Variants in RAPGEF4 observed in about 807,000 individuals in gnomAD.
The protein encoded by RAPGEF4 is RAP guanine-nucleotide-exchange factor (GEF) 4.
A neutral mutation model predicts 147.9 loss-of-function variants in RAPGEF4; 66 were observed. The ratio of observed to expected loss-of-function variants is 0.45; its 90% CI spans 0.37 to 0.55. The LOEUF (loss-of-function observed/expected upper bound fraction) is 0.55. Among genes scored for constraint, RAPGEF4 ranks in the 20% least tolerant of loss-of-function variants. The pLI is 0.00. For synonymous variants in RAPGEF4, 419 were observed against 442.7 expected, an observed-to-expected ratio of 0.95 and a Z score of 0.67; for missense variants, 1,071 against 1,257.3, an observed-to-expected ratio of 0.85 and a Z score of 2.24.
At chr2:172,899,290 G>C (rs1698830673) in intron 4 of RAPGEF4, among the ~76,000 whole-genome samples, 1 of 152,214 alleles carries the variant, frequency 6.6e-6, no homozygotes, top group African/African-American at 2.4e-5. Flanking sequence ...TTTCTGATGA[G>C]AAAATTGGCA....
intron 4 of RAPGEF4, among the ~76,000 whole-genome samples, chr2:172,883,865 C>T (rs1164842560): frequency 6.6e-6 from 1 of 152,114 alleles, no homozygotes; most frequent in Non-Finnish European, 1.5e-5. Flanking sequence ...AAGGCAAGAG[C>T]ATTGGGTCCT....
At chr2:172,738,383 A>T in intron 1 of RAPGEF4, among the ~76,000 whole-genome samples, 1 of 152,196 alleles carries the variant, frequency 6.6e-6, no homozygotes. Context: ...GGACGGCTCT[A>T]TAAACAGCTA....
At chr2:172,919,218 G>T (rs1173413257) in intron 5 of RAPGEF4, among the ~76,000 whole-genome samples, 1 of 152,104 alleles carries the variant, frequency 6.6e-6, no homozygotes, top group Non-Finnish European at 1.5e-5. Flanking sequence ...TTCCTCAGAG[G>T]GTTGTTGTGA....
intron 25 of RAPGEF4, among the ~76,000 whole-genome samples, chr2:173,029,890 T>G (rs1212783465): frequency 6.6e-6 from 1 of 152,240 alleles, no homozygotes; most frequent in Admixed American, 6.5e-5. Context: ...TTTGGGATTA[T>G]AATAACAACC....
chr2:172,748,747 CCA>C (rs1361297303), intron 1 of RAPGEF4, among the ~76,000 whole-genome samples: 3 of 152,184 alleles, frequency 2.0e-5, no homozygotes, highest in Non-Finnish European at 4.4e-5. Flanking sequence ...ACTGAAAAGT[CCA>C]CAGTCCAAAG....
In RAPGEF4 at chr2:172,871,613, CA is replaced by C. The variant is rs1178715823; in HGVS notation, c.445-46183del. On this transcript the variant is annotated intron_variant, in intron 4 of 30. Transcript: ENST00000397081. ...AAAAGGGATATTATCTATTTTGACC[CA>C]AAAAAGCAGACTTTTTTTTTTTTTT... Among the ~76,000 whole-genome samples the C allele has an allele frequency of 4.9e-5, 7 of 142,516 alleles. No individual in the cohort carries two copies. The East Asian group carries it at 1.4e-3, about 29-fold the overall frequency. 93.5% of individuals were successfully genotyped at this position (142,516 alleles called of 152,430 possible).
chr2:172,983,415 T>C, intron 10 of RAPGEF4, 81 bp from the exon 11 acceptor site: 1 of 1,543,964 alleles, frequency 6.5e-7, no homozygotes, highest in African/African-American at 1.4e-5. Context: ...AGCATGTTAC[T>C]GATGCCTGGA....
intron 4 of RAPGEF4, among the ~76,000 whole-genome samples, chr2:172,855,070 C>G (rs1327565981): frequency 6.6e-6 from 1 of 152,142 alleles, no homozygotes; most frequent in Non-Finnish European, 1.5e-5. Context: ...TAGCTGTACT[C>G]TTCACAGCTG....
chr2:172,735,917 C>A lies in RAPGEF4; in HGVS notation c.-67C>A. On this transcript the variant is annotated 5_prime_UTR_variant, in exon 1 of 31. Transcript: ENST00000397081. ...GTCCGCGCGGCGGACGAGGCGGGGG[C>A]GGAGGCGCAGGCAGAGCGAGCGCGG... 1 of 1,321,570 alleles carries A rather than the reference C, an allele frequency of 7.6e-7. No homozygotes were observed. The highest frequency in any genetic ancestry group is 9.8e-7 in the Non-Finnish European group (1 of 1,016,926). The allele number at this position is 1,321,570 out of a possible 1,614,324, so 81.9% of individuals were successfully genotyped here. A position where few individuals can be genotyped will look rare whatever the true frequency, so the allele number is the denominator to read the frequency against.
chr2:173,026,989 G>A lies in RAPGEF4; in HGVS notation c.2380-92G>A, dbSNP rs916810261. The stretch of plus-strand genomic sequence containing the variant: ...AAGTCTGATTGACTTCACATTTGCT[G>A]ACCAGTAAAACACTGTCTTGACAAA... On this transcript the variant is annotated intron_variant, in intron 24 of 30. Coordinates refer to ENST00000397081, the MANE Select transcript of RAPGEF4 (RefSeq NM_007023.4). 3 of 1,161,258 alleles carry A rather than the reference G, an allele frequency of 2.6e-6. No homozygotes were observed. The African/African-American group carries it at 4.7e-5, about 18-fold the overall frequency. 71.9% of individuals were successfully genotyped at this position (1,161,258 alleles called of 1,614,324 possible). A position where few individuals can be genotyped will look rare whatever the true frequency, so the allele number is the denominator to read the frequency against.
intron 1 of RAPGEF4, among the ~76,000 whole-genome samples, chr2:172,756,643 C>A (rs1187425722): frequency 6.6e-6 from 1 of 152,164 alleles, no homozygotes; most frequent in African/African-American, 2.4e-5. Flanking sequence ...GGACAGACAC[C>A]TTGTTTCCCA....
chr2:172,775,688 C>T (rs1684092710), intron 1 of RAPGEF4, among the ~76,000 whole-genome samples: 1 of 151,930 alleles, frequency 6.6e-6, no homozygotes, highest in Non-Finnish European at 1.5e-5. Context: ...GTATATTAGA[C>T]TCAGTGGGTA....
chr2:172,897,055 C>A lies in RAPGEF4; in HGVS notation c.445-20747C>A, dbSNP rs1219864224. Reference sequence around the variant, plus strand: ...GCTGCCCAGAATTTCTGGAAAATGGCTTTCCTGCATCTTTTTCTGATCCCT... The same window carrying A: ...GCTGCCCAGAATTTCTGGAAAATGGATTTCCTGCATCTTTTTCTGATCCCT... On this transcript the variant is annotated intron_variant, in intron 4 of 30. Transcript: ENST00000397081. 2.0e-5 allele frequency among the ~76,000 whole-genome samples: 3 copies of A among 152,092 alleles called. No individual in the cohort carries two copies. In the East Asian group the frequency reaches 5.8e-4, roughly 29 times the overall value.
At chr2:172,914,705 T>G (rs1228698444) in intron 4 of RAPGEF4, among the ~76,000 whole-genome samples, 1 of 152,152 alleles carries the variant, frequency 6.6e-6, no homozygotes, top group Non-Finnish European at 1.5e-5. Context: ...CCAAATTGCC[T>G]GCCTCTGAGG....
chr2:172,913,476 A>G (rs1683676509), intron 4 of RAPGEF4, among the ~76,000 whole-genome samples: 1 of 152,240 alleles, frequency 6.6e-6, no homozygotes, highest in Non-Finnish European at 1.5e-5. Flanking sequence ...CTTGAATGAC[A>G]AAAGTGACTT....
intron 10 of RAPGEF4, among the ~76,000 whole-genome samples, chr2:172,970,949 C>T (rs544018272): frequency 9.9e-5 from 15 of 152,276 alleles, no homozygotes; most frequent in African/African-American, 2.9e-4. Context: ...GACAGTTTGA[C>T]GGTGCTGTTG....
intron 6 of RAPGEF4, among the ~76,000 whole-genome samples, chr2:172,923,279 G>GT (rs1022615860): frequency 9.2e-5 from 14 of 152,002 alleles, no homozygotes; most frequent in Admixed American, 4.6e-4. Flanking sequence ...TTTGGTTTTT[G>GT]TTTTTTTGTG....
chr2:173,011,170 G>GCGCGCACACA (rs564434178), intron 17 of RAPGEF4, among the ~76,000 whole-genome samples: 16,831 of 133,322 alleles, frequency 0.13, 1,201 homozygotes, highest in Non-Finnish European at 0.15. Flanking sequence ...GCGCGCGCGC[G>GCGCGCACACA]CACACACACA....
At chr2:172,947,968 C>G (rs1687847467) in intron 6 of RAPGEF4, among the ~76,000 whole-genome samples, 1 of 152,186 alleles carries the variant, frequency 6.6e-6, no homozygotes, top group South Asian at 2.1e-4. Context: ...CTAGCCACTC[C>G]CCACTATCCT....
Sources: gnomAD v4.1 joint callset for allele counts (sites outside exome capture counted in the v4.1 genomes callset) on GRCh38, gnomAD v4.1.1 for gene constraint, MANE v1.5 for transcripts, NCBI Gene and HGNC (gene_info 2026-07-23, HGNC 2026-07-21) for gene names.